RC3H1: variants seen among roughly 807,000 people sequenced by gnomAD.
RC3H1 encodes the protein ring finger and CCCH-type domains 1, also known as roquin-1.
RC3H1 carries 50 observed loss-of-function variants against 138.2 expected under a neutral mutation model. The observed-to-expected ratio is 0.36, with a 90% CI of 0.29 to 0.46. RC3H1 has a LOEUF of 0.46. Among genes scored for constraint, RC3H1 ranks in the 20% least tolerant of loss-of-function variants. RC3H1 has a pLI of 1.00. For missense variants in RC3H1, 1,031 were observed against 1,388.1 expected (o/e 0.74, Z 4.09); for synonymous variants, 462 against 489.1 (o/e 0.94, Z 0.73).
rs1337175897 is a variant in RC3H1 at position 173,938,770 on chromosome 1, T to C, written c.3353A>G (p.Asp1118Gly). The C allele has an allele frequency of 3.1e-6, 5 of 1,613,160 alleles. No individual in the cohort carries two copies. The highest frequency in any genetic ancestry group is 4.2e-6 in the Non-Finnish European group (5 of 1,179,358). ...TCCTGATCTCTGGGAGTCATTATTA[T>C]CCCCTCCTCCCTCAGGGTCCTCTGA... ...NLSEDPEGGGDNNDSQRSGVT... is the reference protein window; with the variant it reads ...NLSEDPEGGGGNNDSQRSGVT... Residue 1118 changes from aspartate to glycine, a missense_variant, in exon 20 of 20, where the codon GAT (aspartate) becomes GGT (glycine). Around this residue, in one of 7 missense-constraint regions of RC3H1, gnomAD observed 716 missense variants for 837.9 expected, o/e 0.85. Transcript: ENST00000367696.
At chr1:173,970,670 T>A in intron 8 of RC3H1, 53 bp from the exon 9 acceptor site, 1 of 1,161,822 alleles carries the variant, frequency 8.6e-7, no homozygotes, top group South Asian at 1.3e-5. Flanking sequence ...CAAAAAAACA[T>A]AAATTTTGTG....
At chr1:173,945,107 A>T (rs898658344) in intron 17 of RC3H1, among the ~76,000 whole-genome samples, 2 of 149,828 alleles carry the variant, frequency 1.3e-5, no homozygotes, top group Admixed American at 6.6e-5. Context: ...TGTGGCACTT[A>T]AAAGATTTTA....
chr1:174,022,245 C>T lies in RC3H1; in HGVS notation c.-300G>A, dbSNP rs1003079192. The T allele has an allele frequency of 2.6e-6, 1 of 391,722 alleles. No homozygotes were observed. Among genetic ancestry groups the T allele is most frequent in the Non-Finnish European group, 4.5e-6 (1 of 222,014 alleles). The allele number at this position is 391,722 out of a possible 1,614,324, so 24.3% of individuals were successfully genotyped here. A position where few individuals can be genotyped will look rare whatever the true frequency, so the allele number is the denominator to read the frequency against. ...CGGCTGCCGCCGCCACCGCCAGCACCGCCTCCGGCCTCCCACCTGCTGCTG... is the reference window on the plus strand; with the variant it reads ...CGGCTGCCGCCGCCACCGCCAGCACTGCCTCCGGCCTCCCACCTGCTGCTG... On this transcript the variant is annotated 5_prime_UTR_variant, in exon 1 of 20. Coordinates refer to ENST00000367696, the MANE Select transcript of RC3H1 (RefSeq NM_172071.4). This position sits in a 1 kb window ranked among gnomAD's most constrained non-coding sequence, Gnocchi z 4.2.
chr1:174,004,803 G>T (rs970013287), intron 1 of RC3H1, among the ~76,000 whole-genome samples: 6 of 151,898 alleles, frequency 4.0e-5, no homozygotes, highest in Non-Finnish European at 8.8e-5. Context: ...AAGTCTATCG[G>T]GCTAATGGGA....
intron 1 of RC3H1, among the ~76,000 whole-genome samples, chr1:174,002,944 C>T (rs941010557): frequency 1.3e-5 from 2 of 152,138 alleles, no homozygotes; most frequent in Admixed American, 6.5e-5. Context: ...CTGCTGACTT[C>T]CAAATCTCTC....
chr1:173,982,559 T>C (rs1457085088), intron 5 of RC3H1, among the ~76,000 whole-genome samples, 168 bp downstream of exon 5: 4 of 152,140 alleles, frequency 2.6e-5, no homozygotes, highest in African/African-American at 9.7e-5. Flanking sequence ...AATATAATAG[T>C]ATTTAACTAT....
chr1:173,983,784 G>T, intron 3 of RC3H1, 127 bp from the exon 4 acceptor site: 2 of 882,712 alleles, frequency 2.3e-6, no homozygotes, highest in Middle Eastern at 3.0e-4. Context: ...TTTAAAATAA[G>T]CAACAAATAA....
chr1:173,989,710 GTTTTTTTTTTTTTTT>G (rs372808172), intron 2 of RC3H1, among the ~76,000 whole-genome samples: 1 of 103,224 alleles, frequency 9.7e-6, no homozygotes, highest in South Asian at 3.1e-4. Context: ...GTTTATTCAA[GTTTTTTTTTTTTTTT>G]TTTTTTTTTT....
intron 19 of RC3H1, among the ~76,000 whole-genome samples, chr1:173,939,482 G>GAT (rs1053192659): frequency 8.0e-6 from 1 of 125,264 alleles, no homozygotes; most frequent in Admixed American, 1.0e-4. Flanking sequence ...ACTGAGCCAA[G>GAT]ATCGCACCAC....
intron 6 of RC3H1, among the ~76,000 whole-genome samples, chr1:173,980,255 G>GAAAA (rs1209819661): frequency 1.3e-5 from 1 of 76,124 alleles, no homozygotes; most frequent in African/African-American, 5.1e-5. Context: ...TTAGAAATAG[G>GAAAA]AAAAAAAAAA....
At chr1:174,002,139 A>G in intron 1 of RC3H1, among the ~76,000 whole-genome samples, 1 of 152,218 alleles carries the variant, frequency 6.6e-6, no homozygotes, top group Non-Finnish European at 1.5e-5. Flanking sequence ...TTCAATCCCA[A>G]AATGAAAGAT....
chr1:174,016,637 T>G (rs1263352266), intron 1 of RC3H1, among the ~76,000 whole-genome samples: 1 of 151,680 alleles, frequency 6.6e-6, no homozygotes, highest in African/African-American at 2.4e-5. Context: ...ATAACAAAAT[T>G]TTAAATTTTT....
intron 1 of RC3H1, among the ~76,000 whole-genome samples, chr1:173,996,886 A>AT (rs1294416865): frequency 1.3e-5 from 2 of 151,836 alleles, no homozygotes; most frequent in South Asian, 2.1e-4. Flanking sequence ...TTGTGGAGTC[A>AT]TTTTTTACTT....
chr1:173,972,500 C>T lies in RC3H1; in HGVS notation c.1221+9G>A. ...TGGGTTAACTCTAAGTTTTAAACAG[C>T]TTCCTTACCTGCTGCTGATCTGCTC... On this transcript the variant is annotated intron_variant, in intron 8 of 19. Transcript: ENST00000367696. The T allele has an allele frequency of 6.2e-7, 1 of 1,600,216 alleles. No individual in the cohort carries two copies. Among genetic ancestry groups the T allele is most frequent in the Non-Finnish European group, 8.6e-7 (1 of 1,167,434 alleles).
In RC3H1 at chr1:173,942,692, C is replaced by T. The variant is rs1032150940; in HGVS notation, c.3135+750G>A. On this transcript the variant is annotated intron_variant, in intron 18 of 19. Transcript: ENST00000367696. The stretch of plus-strand genomic sequence containing the variant: ...CTAAAAATACAAAAAATTAGCCAGG[C>T]GAGGTGGCAGGCGCCTAGTCCCAGC... Among the ~76,000 whole-genome samples, 5 of 151,152 alleles carry T rather than the reference C, an allele frequency of 3.3e-5. No homozygotes were observed. The East Asian group carries it at 7.9e-4, about 24-fold the overall frequency.
chr1:174,007,565 A>C (rs1459496473), intron 1 of RC3H1, among the ~76,000 whole-genome samples: 1 of 151,824 alleles, frequency 6.6e-6, no homozygotes, highest in East Asian at 1.9e-4. Context: ...CTGGGTTCAA[A>C]CGACCCTCCC....
intron 1 of RC3H1, among the ~76,000 whole-genome samples, chr1:174,018,631 T>C (rs538274511): frequency 6.6e-6 from 1 of 152,318 alleles, no homozygotes; most frequent in African/African-American, 2.4e-5. Flanking sequence ...AGAAAAAATC[T>C]TGGAGACGGT....
chr1:173,988,799 T>A (rs1256656103), intron 2 of RC3H1, among the ~76,000 whole-genome samples: 2 of 152,356 alleles, frequency 1.3e-5, no homozygotes, highest in African/African-American at 4.8e-5. Flanking sequence ...AAAGACAAAC[T>A]GCTGAGCTAC....
At chr1:173,952,168 A>AAC (rs1659433142) in intron 13 of RC3H1, 30 bp from the exon 14 acceptor site, 2 of 1,494,732 alleles carry the variant, frequency 1.3e-6, no homozygotes, top group African/African-American at 2.9e-5. Flanking sequence ...AAAAACAAAA[A>AAC]AAAAAAAAAG....
Sources: gnomAD v4.1 joint callset for allele counts (sites outside exome capture counted in the v4.1 genomes callset) on GRCh38, gnomAD v4.1.1 for gene constraint, gnomAD v4.1.1 regional missense constraint, Gnocchi (gnomAD v3.1) non-coding constraint, MANE v1.5 for transcripts, NCBI Gene and HGNC (gene_info 2026-07-23, HGNC 2026-07-21) for gene names.